Variants in MGST1 observed in about 807,000 individuals in gnomAD.
The protein encoded by MGST1 is glutathione S-transferase 12.
In MGST1, 5 loss-of-function variants were observed where a neutral mutation model predicts 8.9. The ratio of observed to expected loss-of-function variants is 0.56; its 90% CI spans 0.29 to 1.19. The LOEUF (loss-of-function observed/expected upper bound fraction) is 1.19. Ranked by LOEUF, MGST1 falls within the 50% of genes most tolerant of loss-of-function variation. The pLI, the probability that MGST1 is intolerant of heterozygous loss-of-function variation, is 0.08. For synonymous variants in MGST1, 54 were observed against 67.8 expected (o/e 0.80, Z 1.00); for missense variants, 182 against 187.4 (o/e 0.97, Z 0.17).
chr12:16,409,036 T>C (rs11834165), intron 1 of MGST1, among the ~76,000 whole-genome samples: 61 of 152,312 alleles, frequency 4.0e-4, no homozygotes, highest in African/African-American at 1.4e-3. Flanking sequence ...ATTTTGTCTC[T>C]TATTTTTTAA....
chr12:16,455,777 A>C lies in MGST1; in HGVS notation n.482+72173A>C, dbSNP rs1042958812. 1.8e-4 allele frequency among the ~76,000 whole-genome samples: 27 copies of C among 151,846 alleles called. 1 individual carries two copies. Among genetic ancestry groups the C allele is most frequent in the Non-Finnish European group, 2.9e-5 (2 of 67,860 alleles). On this transcript the variant is annotated intron_variant and non_coding_transcript_variant, in intron 4 of 4. Coordinates refer to the MGST1 transcript ENST00000538857. ...TATAATGGCCATGAAACCCAAGAAAAAATTCCTTATTCCTAAAGTTTATGT... is the reference window on the plus strand; with the variant it reads ...TATAATGGCCATGAAACCCAAGAAACAATTCCTTATTCCTAAAGTTTATGT...
intron 4 of MGST1, among the ~76,000 whole-genome samples, chr12:16,460,628 A>G (rs1217099958): frequency 7.2e-6 from 1 of 138,590 alleles, no homozygotes; most frequent in Non-Finnish European, 1.5e-5. Context: ...AATATTTTAT[A>G]TTCTTGGTGG....
chr12:16,577,805 G>A (rs1219914623), intron 4 of MGST1, among the ~76,000 whole-genome samples: 3 of 152,096 alleles, frequency 2.0e-5, no homozygotes, highest in Non-Finnish European at 4.4e-5. Context: ...GCCCATGATG[G>A]TTCTCTGGAT....
At chr12:16,465,937 TC>T (rs1461019896) in intron 4 of MGST1, among the ~76,000 whole-genome samples, 4 of 152,202 alleles carry the variant, frequency 2.6e-5, no homozygotes, top group African/African-American at 9.6e-5. Flanking sequence ...TCGACCATTG[TC>T]CCTTTGGCCC....
intron 1 of MGST1, among the ~76,000 whole-genome samples, chr12:16,435,992 T>TACAC (rs35784515): frequency 0.61 from 91,084 of 149,182 alleles, 27,901 homozygotes; most frequent in East Asian, 0.82. Context: ...CTGCTGCAAA[T>TACAC]ACACACACAC....
chr12:16,473,625 T>C (rs1941302302), intron 4 of MGST1, among the ~76,000 whole-genome samples: 1 of 152,246 alleles, frequency 6.6e-6, no homozygotes, highest in Non-Finnish European at 1.5e-5. Context: ...CTAGTGATGC[T>C]GGTATTCCTC....
chr12:16,451,262 C>T (rs956302343), intron 4 of MGST1, among the ~76,000 whole-genome samples: 3 of 151,820 alleles, frequency 2.0e-5, no homozygotes, highest in South Asian at 4.2e-4. Context: ...AAGCAATCTC[C>T]GAATAGGTAT....
downstream of MGST1, among the ~76,000 whole-genome samples, chr12:16,443,573 T>G (rs1941055203): frequency 6.6e-6 from 1 of 151,904 alleles, no homozygotes; most frequent in Non-Finnish European, 1.5e-5. Context: ...ATTAAATTAG[T>G]ATTTTTACAA....
chr12:16,371,322 T>C (rs1403005323), intron 3 of MGST1, among the ~76,000 whole-genome samples: 2 of 152,146 alleles, frequency 1.3e-5, no homozygotes, highest in African/African-American at 2.4e-5. Flanking sequence ...GAAATATTTA[T>C]TGAAGGACTC....
intron 4 of MGST1, among the ~76,000 whole-genome samples, chr12:16,450,839 CGT>C (rs66984063): frequency 0.14 from 20,055 of 147,792 alleles, 1,727 homozygotes; most frequent in African/African-American, 0.25. Flanking sequence ...ATATATATTC[CGT>C]GTGTGTGTGT....
At chr12:16,593,040 T>G (rs1474451841), downstream of MGST1, among the ~76,000 whole-genome samples, 1 of 151,906 alleles carries the variant, frequency 6.6e-6, no homozygotes, top group Non-Finnish European at 1.5e-5. This position sits in a 1 kb window ranked among gnomAD's most constrained non-coding sequence, Gnocchi z 4.2. Context: ...ATTTTTTCTC[T>G]GTGGTATCTG....
intron 4 of MGST1, among the ~76,000 whole-genome samples, chr12:16,498,886 C>G (rs1239384350): frequency 2.0e-5 from 3 of 152,124 alleles, no homozygotes; most frequent in Non-Finnish European, 4.4e-5. Context: ...TTTTAGAATA[C>G]AGAACCATCT....
chr12:16,460,838 C>T (rs1941213096), intron 4 of MGST1, among the ~76,000 whole-genome samples: 1 of 151,934 alleles, frequency 6.6e-6, no homozygotes, highest in African/African-American at 2.4e-5. Flanking sequence ...GTCCCTTAAC[C>T]TTAACAAAAT....
chr12:16,372,692 A>G (rs966535203), intron 3 of MGST1, among the ~76,000 whole-genome samples: 5 of 151,930 alleles, frequency 3.3e-5, no homozygotes, highest in African/African-American at 1.2e-4. Context: ...TATTCGAAAG[A>G]ACGGAAATCA....
At chr12:16,399,657 A>G (rs1350561823) in intron 1 of MGST1, 8 of 1,568,640 alleles carry the variant, frequency 5.1e-6, no homozygotes, top group Non-Finnish European at 7.0e-6. Flanking sequence ...GTCAGGCTCC[A>G]GAAAAGACCA....
chr12:16,355,954 A>C (rs977260211), intron 2 of MGST1, among the ~76,000 whole-genome samples: 1 of 152,214 alleles, frequency 6.6e-6, no homozygotes, highest in Non-Finnish European at 1.5e-5. Flanking sequence ...TCTGGTGTTC[A>C]GTGAGGGCCC....
intron 4 of MGST1, among the ~76,000 whole-genome samples, chr12:16,588,123 G>T (rs990603387): frequency 6.6e-6 from 1 of 151,922 alleles, no homozygotes; most frequent in East Asian, 1.9e-4. Flanking sequence ...CCAAATTTAA[G>T]GTGCAATACT....
chr12:16,402,117 G>T, intron 1 of MGST1: 1 of 1,516,646 alleles, frequency 6.6e-7, no homozygotes, highest in Non-Finnish European at 9.2e-7. Context: ...CAGTCTGATG[G>T]CAGGGGCTCC....
At chr12:16,569,348 C>G (rs1279502487) in intron 4 of MGST1, among the ~76,000 whole-genome samples, 2 of 152,144 alleles carry the variant, frequency 1.3e-5, no homozygotes, top group African/African-American at 2.4e-5. Context: ...GAATAAAAGT[C>G]TCTAGGTTTC....
Sources: allele counts gnomAD v4.1 joint callset (sites outside exome capture counted in the v4.1 genomes callset), GRCh38; gene constraint gnomAD v4.1.1; non-coding constraint Gnocchi (gnomAD v3.1); transcripts MANE v1.5; gene names NCBI Gene and HGNC (gene_info 2026-07-23, HGNC 2026-07-21).